Variants in SLC25A18 observed in about 807,000 individuals in gnomAD.
The protein encoded by SLC25A18 is solute carrier family 25 member 18.
SLC25A18 carries 24 observed loss-of-function variants against 31.1 expected under a neutral mutation model. The ratio of observed to expected loss-of-function variants is 0.77; its 90% CI spans 0.56 to 1.08. SLC25A18 has a LOEUF of 1.08. SLC25A18 is among the 50% of genes least tolerant of loss of function. The probability of loss-of-function intolerance (pLI) is 0.00; values close to 1 mark genes in which losing one functional copy is unlikely to be tolerated. For missense variants in SLC25A18, 371 were observed against 418.5 expected, an observed-to-expected ratio of 0.89 and a Z score of 0.99; for synonymous variants, 173 against 161.9, an observed-to-expected ratio of 1.07 and a Z score of -0.52.
chr22:17,572,842 C>T (rs695715), intron 2 of SLC25A18, among the ~76,000 whole-genome samples: 9 of 151,032 alleles, frequency 6.0e-5, no homozygotes, highest in Admixed American at 6.6e-5. Flanking sequence ...GGGGTTTCAC[C>T]GTGTTAGCCA....
intron 1 of SLC25A18, among the ~76,000 whole-genome samples, chr22:17,565,530 C>T (rs183981525): frequency 1.7e-4 from 26 of 152,114 alleles, no homozygotes; most frequent in African/African-American, 5.1e-4. Context: ...CACACCGCAG[C>T]GCCTGGCTAA....
chr22:17,567,649 CCTCT>C (rs2056971598), intron 1 of SLC25A18, among the ~76,000 whole-genome samples: 1 of 151,278 alleles, frequency 6.6e-6, no homozygotes, highest in Non-Finnish European at 1.5e-5. Flanking sequence ...CTCCATTTTA[CCTCT>C]CTATCCTTGC....
At chr22:17,574,387 G>A (rs1471936888) in intron 2 of SLC25A18, among the ~76,000 whole-genome samples, 3 of 152,158 alleles carry the variant, frequency 2.0e-5, no homozygotes, top group Admixed American at 6.5e-5. Context: ...GGCTCCCCAC[G>A]TGTGGCCTAA....
intron 2 of SLC25A18, among the ~76,000 whole-genome samples, chr22:17,578,824 T>C (rs1001809666): frequency 1.3e-5 from 2 of 152,150 alleles, no homozygotes; most frequent in African/African-American, 2.4e-5. Flanking sequence ...GGTGTGAACC[T>C]GGGAGGCAGA....
At chr22:17,564,788 T>G (rs2099631089) in intron 1 of SLC25A18, among the ~76,000 whole-genome samples, 1 of 143,428 alleles carries the variant, frequency 7.0e-6, no homozygotes, top group East Asian at 2.1e-4. Flanking sequence ...ACCTGGGAGA[T>G]GGACGTTGTA....
At position 17,569,987 on chromosome 22, in the gene SLC25A18, G is replaced by A; in HGVS notation, c.-201+1G>A. The A allele has an allele frequency of 4.1e-6, 4 of 985,462 alleles. No homozygotes were observed. Among genetic ancestry groups the A allele is most frequent in the Non-Finnish European group, 4.8e-6 (4 of 829,948 alleles). 61.0% of individuals were successfully genotyped at this position (985,462 alleles called of 1,614,324 possible). A position where few individuals can be genotyped will look rare whatever the true frequency, so the allele number is the denominator to read the frequency against. On this transcript the variant is annotated splice_donor_variant, in intron 2 of 10. Coordinates refer to ENST00000327451, the MANE Select transcript of SLC25A18 (RefSeq NM_031481.3). LOFTEE classifies it low-confidence loss of function (5UTR_SPLICE). ...AGGCAGAGGTTCTTACCGAAAGCAG[G>A]TAAGTGTCTTGTCTGTCTGCATCAA...
chr22:17,585,632 T>TTTA (rs1321633226), intron 7 of SLC25A18, among the ~76,000 whole-genome samples: 2,175 of 140,826 alleles, frequency 0.015, 63 homozygotes, highest in African/African-American at 0.055. Flanking sequence ...TATTATTTAT[T>TTTA]TTATTATTAT....
intron 1 of SLC25A18, among the ~76,000 whole-genome samples, chr22:17,569,050 C>A (rs1409349357): frequency 2.6e-5 from 4 of 151,280 alleles, no homozygotes; most frequent in African/African-American, 9.7e-5. Flanking sequence ...CAGCCTGTAG[C>A]CAGGCTGGAG....
At chr22:17,572,335 T>C (rs964324061) in intron 2 of SLC25A18, among the ~76,000 whole-genome samples, 1 of 146,694 alleles carries the variant, frequency 6.8e-6, no homozygotes, top group Admixed American at 6.8e-5. Context: ...AATACAGAAA[T>C]ATAGGTGGGC....
intron 1 of SLC25A18, among the ~76,000 whole-genome samples, chr22:17,568,585 A>G (rs1396158183): frequency 2.8e-5 from 2 of 71,852 alleles, no homozygotes; most frequent in South Asian, 4.8e-4. Context: ...TTTTTTTGAG[A>G]CAGTCTCACT....
intron 3 of SLC25A18, 73 bp downstream of exon 3, chr22:17,580,037 C>A (rs2057332039): frequency 6.8e-7 from 1 of 1,471,672 alleles, no homozygotes; most frequent in Non-Finnish European, 9.4e-7. Context: ...GATAGCACAT[C>A]CAGGTTTCTG....
intron 2 of SLC25A18, among the ~76,000 whole-genome samples, chr22:17,572,337 T>C (rs928635487): frequency 8.0e-5 from 12 of 150,608 alleles, no homozygotes; most frequent in East Asian, 2.0e-4. Flanking sequence ...TACAGAAATA[T>C]AGGTGGGCAT....
Position 17,587,182 on chromosome 22 carries a change from C to G in SLC25A18, c.456C>G (p.Ser152=). The G allele has an allele frequency of 6.2e-7, 1 of 1,614,194 alleles. No individual in the cohort carries two copies. The highest frequency in any genetic ancestry group is 8.5e-7 in the Non-Finnish European group (1 of 1,180,040). Residue 152 remains serine (S), a synonymous_variant, in exon 8 of 11, where the codon TCC becomes TCG. Transcript: ENST00000327451. The part of the protein sequence containing the change: ...GSASAPSTSR[S]YTTGSASTHR... ...CCTCAGCACCCTCCACCTCCAGGTCCTACACAACTGGTTCGGCTTCCACCC... is the reference window on the plus strand; with the variant it reads ...CCTCAGCACCCTCCACCTCCAGGTCGTACACAACTGGTTCGGCTTCCACCC...
In SLC25A18 at chr22:17,581,102, T is replaced by G. The variant is rs373813521; in HGVS notation, c.86T>G (p.Ile29Ser). The G allele has an allele frequency of 6.3e-7, 1 of 1,579,250 alleles. No individual in the cohort carries two copies. Among genetic ancestry groups the G allele is most frequent in the Non-Finnish European group, 8.6e-7 (1 of 1,161,718 alleles). Residue 29 changes from isoleucine (I) to serine (S), a missense_variant, in exon 4 of 11, where the codon ATC (isoleucine) becomes AGC (serine). By Grantham distance (142) the Ile-to-Ser change is moderately radical (BLOSUM62 -2). Transcript: ENST00000327451. ...GTGGGGGTGACCTGCGTGTTCCCCA[T>G]CGACTTGGCCAAGACTCGCCTGCAG... is the stretch of plus-strand genomic sequence containing the variant. Reference protein sequence around the residue: ...GLVGVTCVFPIDLAKTRLQNQ... With the variant: ...GLVGVTCVFPSDLAKTRLQNQ...
chr22:17,568,478 T>C (rs184130538), intron 1 of SLC25A18, among the ~76,000 whole-genome samples: 1 of 151,172 alleles, frequency 6.6e-6, no homozygotes, highest in Non-Finnish European at 1.5e-5. Flanking sequence ...TATGACCTAA[T>C]GTTTGTTTGG....
Position 17,590,154 on chromosome 22 carries a change from T to C in SLC25A18, c.866T>C (p.Leu289Pro), listed in dbSNP as rs2057678700. Residue 289 changes from leucine (L) to proline (P), a missense_variant, in exon 11 of 11, where the codon CTG becomes CCG. By Grantham distance (98) the Leu-to-Pro change is moderately conservative. Coordinates refer to ENST00000327451, the MANE Select transcript of SLC25A18 (RefSeq NM_031481.3). ...AFMKGAGCRA[L>P]VIAPLFGIAQ... ...ATGAAAGGCGCTGGCTGCCGGGCACTGGTCATAGCACCTCTCTTTGGGATT... is the reference window on the plus strand; with the variant it reads ...ATGAAAGGCGCTGGCTGCCGGGCACCGGTCATAGCACCTCTCTTTGGGATT... 1.2e-6 allele frequency: 2 copies of C among 1,614,124 alleles called. No homozygotes were observed. The highest frequency in any genetic ancestry group is 1.7e-6 in the Non-Finnish European group (2 of 1,180,056).
intron 9 of SLC25A18, chr22:17,589,054 CCT>C (rs967418201): frequency 6.6e-6 from 1 of 152,142 alleles, no homozygotes; most frequent in Admixed American, 6.6e-5. Context: ...AGAGCGAGAC[CCT>C]GTCTCAACAA....
chr22:17,576,417 T>G (rs1311669457), intron 2 of SLC25A18, among the ~76,000 whole-genome samples: 1 of 151,948 alleles, frequency 6.6e-6, no homozygotes, highest in Non-Finnish European at 1.5e-5. Context: ...AGGAATTCAA[T>G]TCTGTGGAGG....
At position 17,582,786 on chromosome 22, in the gene SLC25A18, T is replaced by C. The variant is rs1435699344; in HGVS notation, c.290+133T>C. The C allele has an allele frequency of 6.4e-6, 5 of 776,472 alleles. No individual in the cohort carries two copies. In the African/African-American group the frequency reaches 8.6e-5, roughly 13 times the overall value. 48.1% of individuals were successfully genotyped at this position (776,472 alleles called of 1,614,324 possible). A position where few individuals can be genotyped will look rare whatever the true frequency, so the allele number is the denominator to read the frequency against. Reference sequence around the variant, plus strand: ...AATATGTGCACACATGGCTGAGGGCTGGTGTGTGTTTGGGCTGCTGGAGAG... The same window carrying C: ...AATATGTGCACACATGGCTGAGGGCCGGTGTGTGTTTGGGCTGCTGGAGAG... On this transcript the variant is annotated intron_variant, in intron 6 of 10. Transcript: ENST00000327451.
Sources: allele counts gnomAD v4.1 joint callset (sites outside exome capture counted in the v4.1 genomes callset), GRCh38; gene constraint gnomAD v4.1.1; transcripts MANE v1.5; gene names NCBI Gene and HGNC (gene_info 2026-07-23, HGNC 2026-07-21).